RGS6: variants seen among roughly 807,000 people sequenced by gnomAD.
RGS6 encodes regulator of G protein signaling 6.
Under a neutral mutation model 78.5 loss-of-function variants are expected in RGS6, and 30 were observed. That is an observed-to-expected ratio of 0.38 (90% CI 0.29 to 0.52). The LOEUF (loss-of-function observed/expected upper bound fraction) is 0.52, where lower values mean the gene tolerates loss of function less well. RGS6 is among the 20% of genes least tolerant of loss of function. The pLI is 0.85. For missense variants in RGS6, 495 were observed against 609.7 expected, an observed-to-expected ratio of 0.81 and a Z score of 1.98; for synonymous variants, 206 against 206.0, an observed-to-expected ratio of 1.00 and a Z score of 0.00.
intron 2 of RGS6, among the ~76,000 whole-genome samples, chr14:72,170,757 T>C (rs1019201343): frequency 1.3e-5 from 2 of 152,216 alleles, no homozygotes; most frequent in African/African-American, 4.8e-5. Flanking sequence ...TCAGGAACAA[T>C]CTGTAGTACC....
In RGS6 at chr14:72,307,190, A is replaced by C. The variant is rs75547924; in HGVS notation, c.85-44905A>C. On this transcript the variant is annotated intron_variant, in intron 2 of 17. Coordinates refer to ENST00000553525, the MANE Select transcript of RGS6 (RefSeq NM_001204424.2). ...CATTTTTAGCCATAAAGTATTTTAA[A>C]ATAAGGTATATACATTGTTTTTTAG... Among the ~76,000 whole-genome samples the C allele has an allele frequency of 9.3e-3, 1,424 of 152,334 alleles. 11 individuals carry two copies. The highest frequency in any genetic ancestry group is 0.023 in the South Asian group (111 of 4,828).
intron 2 of RGS6, among the ~76,000 whole-genome samples, chr14:72,257,855 G>T (rs1434627583): frequency 6.6e-6 from 1 of 152,150 alleles, no homozygotes; most frequent in African/African-American, 2.4e-5. Context: ...GTTCCATGAA[G>T]TCAATGGAAA....
chr14:72,168,762 A>G (rs1195350365), intron 2 of RGS6, among the ~76,000 whole-genome samples: 1 of 152,170 alleles, frequency 6.6e-6, no homozygotes, highest in Non-Finnish European at 1.5e-5. Flanking sequence ...CTCTGCTAGG[A>G]CACATCTCCT....
At chr14:72,448,932 A>G (rs144173744) in intron 3 of RGS6, among the ~76,000 whole-genome samples, 2,205 of 152,312 alleles carry the variant, frequency 0.014, 25 homozygotes, top group Non-Finnish European at 0.022. Flanking sequence ...CATATTGGAC[A>G]CAATTATTGT....
intron 2 of RGS6, among the ~76,000 whole-genome samples, chr14:72,325,979 A>G (rs1164646153): frequency 1.3e-5 from 2 of 152,162 alleles, no homozygotes; most frequent in East Asian, 3.9e-4. Context: ...TTAGGAGCAA[A>G]TTGCCAGTAT....
At chr14:72,006,709 G>C (rs1247149681) in intron 2 of RGS6, among the ~76,000 whole-genome samples, 5 of 152,152 alleles carry the variant, frequency 3.3e-5, no homozygotes, top group Non-Finnish European at 7.3e-5. Context: ...GAAAATACGT[G>C]AAACAATAAA....
At chr14:72,250,752 G>C (rs2055539854) in intron 2 of RGS6, among the ~76,000 whole-genome samples, 1 of 152,140 alleles carries the variant, frequency 6.6e-6, no homozygotes, top group Non-Finnish European at 1.5e-5. Context: ...TGTATGGTAT[G>C]GTCAAATACG....
Position 72,493,125 on chromosome 14 carries a change from A to C in RGS6, c.855-2027A>C, listed in dbSNP as rs963447723. ...CCACACGCCCACTGAGCCGCCAAGCAGGTTTCAGTACCTCAGTCTTAAGTA... is the reference window on the plus strand; with the variant it reads ...CCACACGCCCACTGAGCCGCCAAGCCGGTTTCAGTACCTCAGTCTTAAGTA... On this transcript the variant is annotated intron_variant, in intron 12 of 17. Coordinates refer to ENST00000553525, the MANE Select transcript of RGS6 (RefSeq NM_001204424.2). 6.6e-5 allele frequency among the ~76,000 whole-genome samples: 10 copies of C among 152,324 alleles called. No homozygotes were observed. The East Asian group carries it at 9.6e-4, about 15-fold the overall frequency.
intron 2 of RGS6, among the ~76,000 whole-genome samples, chr14:72,138,442 T>C (rs983733985): frequency 6.8e-6 from 1 of 147,988 alleles, no homozygotes; most frequent in African/African-American, 2.5e-5. Flanking sequence ...GTAGTGCACC[T>C]GTACCTGTTT....
the RGS6 span, among the ~76,000 whole-genome samples, chr14:71,883,687 G>A: frequency 6.6e-6 from 1 of 152,168 alleles, no homozygotes; most frequent in East Asian, 1.9e-4. Context: ...AAAGAAGCTG[G>A]CCAAAACCCA....
At chr14:71,987,645 C>T (rs988294487) in intron 2 of RGS6, among the ~76,000 whole-genome samples, 3 of 152,044 alleles carry the variant, frequency 2.0e-5, no homozygotes, top group East Asian at 1.9e-4. Flanking sequence ...CTCAGCCTTC[C>T]CATAGCTGGG....
At chr14:72,612,811 G>A in the RGS6 span, among the ~76,000 whole-genome samples, 166 of 152,318 alleles carry the variant, frequency 1.1e-3, no homozygotes, top group Non-Finnish European at 2.0e-3. Flanking sequence ...GAGAGGTCGC[G>A]GAGCCAGTAG....
the RGS6 span, chr14:71,908,493 A>C: frequency 6.6e-6 from 1 of 152,352 alleles, no homozygotes; most frequent in East Asian, 1.9e-4. Flanking sequence ...GGTTCTTTGA[A>C]GATAAAATTA....
At chr14:72,125,930 T>G (rs1405049182) in intron 2 of RGS6, among the ~76,000 whole-genome samples, 1 of 152,192 alleles carries the variant, frequency 6.6e-6, no homozygotes, top group Non-Finnish European at 1.5e-5. Context: ...GTTACCATGA[T>G]GACCTATACA....
chr14:72,304,896 A>AAAAT (rs1240678416), intron 2 of RGS6, among the ~76,000 whole-genome samples: 15 of 105,928 alleles, frequency 1.4e-4, no homozygotes, highest in Admixed American at 8.1e-4. Flanking sequence ...TAAAATAAAA[A>AAAAT]AATTAATAAA....
intron 2 of RGS6, among the ~76,000 whole-genome samples, chr14:72,221,237 T>A (rs1024579181): frequency 2.6e-5 from 4 of 152,250 alleles, no homozygotes; most frequent in Non-Finnish European, 5.9e-5. Context: ...TTGCAATTTA[T>A]GTCTACAAAA....
chr14:72,429,383 A>G lies in RGS6; in HGVS notation c.185-25145A>G, dbSNP rs1460527876. ...CCAGGTATATTCTTGAAAAACAAAA[A>G]GAAGTCAGTGATCAGTTAATTCATT... On this transcript the variant is annotated intron_variant, in intron 3 of 17. Coordinates refer to ENST00000553525, the MANE Select transcript of RGS6 (RefSeq NM_001204424.2). Among the ~76,000 whole-genome samples the G allele has an allele frequency of 2.6e-5, 4 of 152,190 alleles. No individual in the cohort carries two copies. The East Asian group carries it at 7.7e-4, about 29-fold the overall frequency.
chr14:71,886,847 G>A, the RGS6 span, among the ~76,000 whole-genome samples: 9 of 152,204 alleles, frequency 5.9e-5, no homozygotes, highest in South Asian at 2.1e-4. Context: ...ACATAGTCTC[G>A]GGGACACCTC....
At chr14:71,955,526 C>G (rs886218150) in intron 1 of RGS6, among the ~76,000 whole-genome samples, 5 of 152,142 alleles carry the variant, frequency 3.3e-5, no homozygotes, top group Non-Finnish European at 7.4e-5. Flanking sequence ...ATGGCTATTT[C>G]TTGATTATAT....
Sources: gnomAD v4.1 joint callset for allele counts (sites outside exome capture counted in the v4.1 genomes callset) on GRCh38, gnomAD v4.1.1 for gene constraint, MANE v1.5 for transcripts, NCBI Gene and HGNC (gene_info 2026-07-23, HGNC 2026-07-21) for gene names.